The following TNNI3K variants were observed in gnomAD, a reference collection of about 807,000 sequenced individuals.
TNNI3K encodes the protein TNNI3 interacting kinase, also known as serine/threonine-protein kinase TNNI3K.
Under a neutral mutation model 114.5 loss-of-function variants are expected in TNNI3K, and 140 were observed. The ratio of observed to expected loss-of-function variants is 1.22; its 90% CI spans 1.07 to 1.41. The LOEUF (loss-of-function observed/expected upper bound fraction) is 1.41, where lower values mean the gene tolerates loss of function less well. Among genes scored for constraint, TNNI3K ranks in the 40% most tolerant of loss-of-function variants. TNNI3K has a pLI of 0.00. For synonymous variants in TNNI3K, 347 were observed against 347.5 expected (o/e 1.00, Z 0.02); for missense variants, 1,125 against 1,007.6 (o/e 1.12, Z -1.58).
chr1:74,480,866 A>G (rs1668461770), intron 21 of TNNI3K: 1 of 717,468 alleles, frequency 1.4e-6, no homozygotes, highest in Admixed American at 2.0e-5. Context: ...ATTTCTGCTT[A>G]GGGAGAGCAG....
At chr1:74,309,678 C>G (rs1347483137) in intron 5 of TNNI3K, among the ~76,000 whole-genome samples, 1 of 152,004 alleles carries the variant, frequency 6.6e-6, no homozygotes, top group Non-Finnish European at 1.5e-5. Context: ...AAATATGATC[C>G]ACCACCTAAA....
At chr1:74,274,058 A>G (rs901924978) in intron 5 of TNNI3K, among the ~76,000 whole-genome samples, 1 of 151,936 alleles carries the variant, frequency 6.6e-6, no homozygotes, top group African/African-American at 2.4e-5. Context: ...CTAAAACTTA[A>G]TTATTTATAG....
At chr1:74,540,873 A>T (rs1199034313) in intron 24 of TNNI3K, among the ~76,000 whole-genome samples, 2 of 152,190 alleles carry the variant, frequency 1.3e-5, no homozygotes, top group East Asian at 3.9e-4. Context: ...TTTACACAGG[A>T]CTTCTTCAGA....
At chr1:74,376,352 A>T (rs1312559197) in intron 17 of TNNI3K, among the ~76,000 whole-genome samples, 1 of 152,016 alleles carries the variant, frequency 6.6e-6, no homozygotes, top group Non-Finnish European at 1.5e-5. Context: ...CATGTATTAT[A>T]GAGTCCCTCT....
intron 5 of TNNI3K, among the ~76,000 whole-genome samples, chr1:74,274,111 A>G (rs920694247): frequency 6.6e-6 from 1 of 151,940 alleles, no homozygotes; most frequent in African/African-American, 2.4e-5. Flanking sequence ...TAAACAGTCC[A>G]TTATCATGTA....
chr1:74,298,599 T>C (rs973106803), intron 5 of TNNI3K, among the ~76,000 whole-genome samples: 1 of 152,120 alleles, frequency 6.6e-6, no homozygotes, highest in African/African-American at 2.4e-5. Context: ...TTAAATCATC[T>C]TCTGCTGTAG....
rs1342162528 is a variant in TNNI3K at position 74,375,741 on chromosome 1, C to T, written c.1772+5349C>T. 19 of 369,262 alleles carry T rather than the reference C, an allele frequency of 5.1e-5. No homozygotes were observed. The Admixed American group carries it at 5.7e-4, about 11-fold the overall frequency. 22.9% of individuals were successfully genotyped at this position (369,262 alleles called of 1,614,324 possible). On this transcript the variant is annotated intron_variant, in intron 17 of 24. Transcript: ENST00000326637. ...TCAGACCCCTACCCACCAAGTTTTC[C>T]TTAAAACCCCCATCCTCAAGTTTTT...
chr1:74,507,423 T>C (rs1276398341), intron 23 of TNNI3K, among the ~76,000 whole-genome samples: 2 of 152,144 alleles, frequency 1.3e-5, no homozygotes, highest in Non-Finnish European at 2.9e-5. Flanking sequence ...TGTATGTCAA[T>C]TGCCATACAC....
intron 9 of TNNI3K, 118 bp from the exon 10 acceptor site, chr1:74,353,148 G>A (rs1053413180): frequency 9.5e-7 from 1 of 1,047,524 alleles, no homozygotes; most frequent in Non-Finnish European, 1.4e-6. Flanking sequence ...CAGTCTCATT[G>A]TCAGGTTATG....
intron 11 of TNNI3K, among the ~76,000 whole-genome samples, chr1:74,362,963 G>A (rs1389219069): frequency 2.0e-5 from 3 of 152,114 alleles, no homozygotes; most frequent in Admixed American, 6.6e-5. Context: ...CATCATTAGA[G>A]TTGCATTAGG....
chr1:74,524,994 A>G (rs930102740), intron 23 of TNNI3K, among the ~76,000 whole-genome samples: 3 of 152,216 alleles, frequency 2.0e-5, no homozygotes, highest in Admixed American at 6.5e-5. Flanking sequence ...TATGCATTCA[A>G]TTATATAGTA....
intron 5 of TNNI3K, among the ~76,000 whole-genome samples, chr1:74,329,273 G>T (rs1036019784): frequency 2.6e-5 from 4 of 152,010 alleles, no homozygotes; most frequent in African/African-American, 2.4e-5. Context: ...AGTAGACTTT[G>T]ATTACCACTG....
intron 23 of TNNI3K, among the ~76,000 whole-genome samples, chr1:74,526,041 C>T (rs147331996): frequency 1.3e-5 from 2 of 152,252 alleles, no homozygotes; most frequent in East Asian, 1.9e-4. Flanking sequence ...GGTATACATT[C>T]GCTTAAAACA....
chr1:74,386,454 A>G (rs998125890), intron 17 of TNNI3K, among the ~76,000 whole-genome samples: 7 of 152,204 alleles, frequency 4.6e-5, no homozygotes, highest in Admixed American at 3.9e-4. Context: ...ATAAAATATC[A>G]TTTATGAGAA....
intron 5 of TNNI3K, among the ~76,000 whole-genome samples, chr1:74,272,717 T>A (rs1656426053): frequency 6.6e-6 from 1 of 151,902 alleles, no homozygotes; most frequent in Non-Finnish European, 1.5e-5. Context: ...ATTTTATATA[T>A]CCTATTATGG....
chr1:74,528,875 A>G (rs1430836916), intron 23 of TNNI3K, among the ~76,000 whole-genome samples: 1 of 152,218 alleles, frequency 6.6e-6, no homozygotes, highest in Non-Finnish European at 1.5e-5. Flanking sequence ...AAGAAATGAC[A>G]GACTTTAAGG....
At chr1:74,422,580 C>G (rs542670437) in intron 17 of TNNI3K, among the ~76,000 whole-genome samples, 2 of 152,186 alleles carry the variant, frequency 1.3e-5, no homozygotes, top group Admixed American at 6.6e-5. Context: ...CAAGAGCTCT[C>G]TAACCAAACT....
rs570983523 is a variant in TNNI3K at position 74,304,367 on chromosome 1, C to CAT, written c.445-27082_445-27081insTA. Among the ~76,000 whole-genome samples the CAT allele has an allele frequency of 1.1e-4, 16 of 152,220 alleles. No homozygotes were observed. The East Asian group carries it at 2.7e-3, about 26-fold the overall frequency. Reference sequence around the variant, plus strand: ...CAACATCAAGGCAGGATCTTATAGGCAAAATGACTACAACTCACTGAATAC... The same window carrying CAT: ...CAACATCAAGGCAGGATCTTATAGGCATAAAATGACTACAACTCACTGAATAC... On this transcript the variant is annotated intron_variant, in intron 5 of 24. Coordinates refer to ENST00000326637, the MANE Select transcript of TNNI3K (RefSeq NM_015978.3).
At chr1:74,384,986 A>G (rs1663399850) in intron 17 of TNNI3K, among the ~76,000 whole-genome samples, 1 of 151,966 alleles carries the variant, frequency 6.6e-6, no homozygotes, top group Admixed American at 6.6e-5. Flanking sequence ...TATTAGTAAA[A>G]CTTATTTTAA....
Sources: allele counts gnomAD v4.1 joint callset (sites outside exome capture counted in the v4.1 genomes callset), GRCh38; gene constraint gnomAD v4.1.1; transcripts MANE v1.5; gene names NCBI Gene and HGNC (gene_info 2026-07-23, HGNC 2026-07-21).